Variants in PSD3 observed in about 807,000 individuals in gnomAD.
The protein encoded by PSD3 is PH and SEC7 domain-containing protein 3.
A neutral mutation model predicts 105.5 loss-of-function variants in PSD3; 49 were observed. The ratio of observed to expected loss-of-function variants is 0.46; its 90% CI spans 0.37 to 0.59. The LOEUF is 0.59. PSD3 is among the 20% of genes least tolerant of loss of function. PSD3 has a pLI of 0.00. For missense variants in PSD3, 1,561 were observed against 1,263.8 expected (o/e 1.24, Z -3.57); for synonymous variants, 557 against 457.8 (o/e 1.22, Z -2.77).
At chr8:18,771,047 C>T (rs954997296) in intron 8 of PSD3, among the ~76,000 whole-genome samples, 11 of 152,210 alleles carry the variant, frequency 7.2e-5, no homozygotes, top group African/African-American at 2.4e-4. Flanking sequence ...GTTATGCTGT[C>T]AGACTGTCCC....
At chr8:18,741,460 T>C (rs1443917972) in intron 9 of PSD3, among the ~76,000 whole-genome samples, 2 of 152,182 alleles carry the variant, frequency 1.3e-5, no homozygotes, top group African/African-American at 4.8e-5. Context: ...GAGTAGCTTA[T>C]ATCATATTAA....
intron 14 of PSD3, among the ~76,000 whole-genome samples, chr8:18,558,274 T>C (rs1276559230): frequency 2.0e-5 from 3 of 152,226 alleles, no homozygotes; most frequent in Admixed American, 6.5e-5. Context: ...AATTACCTAA[T>C]AGACTTCTTG....
intron 2 of PSD3, among the ~76,000 whole-genome samples, chr8:18,917,763 T>C (rs1406003151): frequency 1.3e-5 from 2 of 152,094 alleles, no homozygotes; most frequent in African/African-American, 2.4e-5. Context: ...CATCAGAAGA[T>C]GAGAAAATCT....
In PSD3 at chr8:18,991,804, T is replaced by C. The variant is rs543464264; in HGVS notation, c.21+21759A>G. 2.0e-5 allele frequency among the ~76,000 whole-genome samples: 3 copies of C among 152,316 alleles called. No homozygotes were observed. In the South Asian group the frequency reaches 6.2e-4, roughly 32 times the overall value. The stretch of plus-strand genomic sequence containing the variant: ...GCTTCAAAACAACTTTTATCCATGT[T>C]TAAAATCCCCTTGACTAAATTATCA... On this transcript the variant is annotated intron_variant, in intron 1 of 15. Transcript: ENST00000327040.
intron 4 of PSD3, chr8:18,865,264 ATATATATATATATATATATATATTTT>A (rs1370155308): frequency 0.011 from 39 of 3,432 alleles, 3 homozygotes; most frequent in South Asian, 0.095. Flanking sequence ...ATATATATAT[ATATATATATATATATATATATATTTT>A]TTTTTTTTTT....
chr8:18,664,038 T>A (rs1287642808), intron 9 of PSD3, among the ~76,000 whole-genome samples: 1 of 152,228 alleles, frequency 6.6e-6, no homozygotes, highest in African/African-American at 2.4e-5. Flanking sequence ...GTAAACTTAA[T>A]AAATGTTATG....
chr8:18,950,939 T>C (rs1174944577), intron 1 of PSD3, among the ~76,000 whole-genome samples: 3 of 152,156 alleles, frequency 2.0e-5, no homozygotes, highest in Non-Finnish European at 2.9e-5. Flanking sequence ...TGCAATGGGT[T>C]ACCTGGGGTG....
chr8:18,779,168 T>C (rs1461134293), intron 8 of PSD3, among the ~76,000 whole-genome samples: 2 of 152,184 alleles, frequency 1.3e-5, no homozygotes, highest in African/African-American at 4.8e-5. Context: ...TATTTCTTCA[T>C]GGCCAAATAT....
chr8:18,645,544 T>G lies in PSD3; in HGVS notation c.2216+10098A>C, dbSNP rs182643674. ...ATATCCTTTACATAACCACTATACA[T>G]ATATAGATTTAACCTTAGTTATTCT... On this transcript the variant is annotated intron_variant, in intron 10 of 15. Transcript: ENST00000327040. Among the ~76,000 whole-genome samples, 29 of 152,328 alleles carry G rather than the reference T, an allele frequency of 1.9e-4. No homozygotes were observed. In the East Asian group the frequency reaches 5.0e-3, roughly 26 times the overall value.
At position 18,968,879 on chromosome 8, in the gene PSD3, CAAAAAAAA is replaced by C. The variant is rs10597134; in HGVS notation, c.22-32745_22-32738del. On this transcript the variant is annotated intron_variant, in intron 1 of 15. Transcript: ENST00000327040. ...TGACAGAGCAAAAAAAAAATGTCTC[CAAAAAAAA>C]AAAAAAAAAAAAAAACTCCACCCAC... Among the ~76,000 whole-genome samples the C allele has an allele frequency of 5.5e-3, 394 of 71,736 alleles. 2 individuals are homozygous for C. The highest frequency in any genetic ancestry group is 0.02 in the African/African-American group (372 of 18,350). The allele number at this position is 71,736 out of a possible 152,430, so 47.1% of individuals were successfully genotyped here.
intron 8 of PSD3, among the ~76,000 whole-genome samples, chr8:18,787,039 T>C (rs972691609): frequency 2.0e-5 from 3 of 152,218 alleles, no homozygotes; most frequent in African/African-American, 7.2e-5. Flanking sequence ...TACCAGGCTG[T>C]CTCAATTATT....
intron 9 of PSD3, among the ~76,000 whole-genome samples, chr8:18,714,210 T>C (rs1291874970): frequency 7.2e-5 from 11 of 152,110 alleles, no homozygotes; most frequent in Admixed American, 6.6e-4. Flanking sequence ...ATTCAGGACA[T>C]ACGCATGGGC....
intron 9 of PSD3, among the ~76,000 whole-genome samples, chr8:18,743,277 C>T (rs934145499): frequency 6.6e-6 from 1 of 152,130 alleles, no homozygotes; most frequent in South Asian, 2.1e-4. Flanking sequence ...GGCCAACATA[C>T]TCCTACAGCT....
intron 1 of PSD3, among the ~76,000 whole-genome samples, chr8:18,949,279 T>TATATATATATATA (rs1563453978): frequency 1.3e-4 from 10 of 78,284 alleles, no homozygotes; most frequent in South Asian, 5.1e-4. Flanking sequence ...ATATATATAT[T>TATATATATATATA]TATAGTTTTC....
intron 1 of PSD3, among the ~76,000 whole-genome samples, chr8:19,081,885 C>T (rs1052932839): frequency 6.6e-6 from 1 of 152,204 alleles, no homozygotes; most frequent in Non-Finnish European, 1.5e-5. Context: ...GTTTCCTTCC[C>T]TGTAACCAAC....
chr8:18,727,166 T>C (rs1803385592), intron 9 of PSD3, among the ~76,000 whole-genome samples: 1 of 151,818 alleles, frequency 6.6e-6, no homozygotes, highest in Non-Finnish European at 1.5e-5. Context: ...TGAAGCCCCA[T>C]CTCTACTAAA....
intron 10 of PSD3, among the ~76,000 whole-genome samples, chr8:18,635,387 A>G (rs1233167390): frequency 3.3e-5 from 5 of 152,322 alleles, no homozygotes; most frequent in Admixed American, 1.3e-4. Flanking sequence ...GTTATGTATC[A>G]TATAACAATG....
intron 2 of PSD3, among the ~76,000 whole-genome samples, chr8:18,907,980 ATG>A (rs1819957733): frequency 1.3e-5 from 2 of 152,240 alleles, no homozygotes; most frequent in Non-Finnish European, 2.9e-5. Context: ...AATTTTAAGT[ATG>A]CAACGTGAAA....
intron 1 of PSD3, among the ~76,000 whole-genome samples, chr8:18,964,390 C>T (rs1824116125): frequency 6.6e-6 from 1 of 152,180 alleles, no homozygotes; most frequent in Non-Finnish European, 1.5e-5. Flanking sequence ...TCCCAAAGTG[C>T]TGGGATTACA....
Sources: gnomAD v4.1 joint callset for allele counts (sites outside exome capture counted in the v4.1 genomes callset) on GRCh38, gnomAD v4.1.1 for gene constraint, MANE v1.5 for transcripts, NCBI Gene and HGNC (gene_info 2026-07-23, HGNC 2026-07-21) for gene names.